PTPRO: variants seen among roughly 807,000 people sequenced by gnomAD.
PTPRO encodes receptor-type tyrosine-protein phosphatase O.
PTPRO carries 62 observed loss-of-function variants against 145.2 expected under a neutral mutation model. That is an observed-to-expected ratio of 0.43 (90% CI 0.35 to 0.53). The LOEUF (loss-of-function observed/expected upper bound fraction) is 0.53. PTPRO is among the 20% of genes least tolerant of loss of function. The pLI is 0.01. For synonymous variants in PTPRO, 565 were observed against 514.7 expected (o/e 1.10, Z -1.32); for missense variants, 1,345 against 1,482.7 (o/e 0.91, Z 1.53).
At chr12:15,494,791 G>A (rs1019489721) in intron 2 of PTPRO, among the ~76,000 whole-genome samples, 1 of 152,342 alleles carries the variant, frequency 6.6e-6, no homozygotes, top group Non-Finnish European at 1.5e-5. Flanking sequence ...CTCAGGGCAT[G>A]AAAGATTGAG....
chr12:15,490,857 C>G (rs1201188287), intron 2 of PTPRO, among the ~76,000 whole-genome samples: 1 of 152,064 alleles, frequency 6.6e-6, no homozygotes, highest in Non-Finnish European at 1.5e-5. Flanking sequence ...GACAAAGATT[C>G]TGACTAAAGT....
intron 1 of PTPRO, among the ~76,000 whole-genome samples, chr12:15,327,543 A>C (rs1261058193): frequency 6.6e-6 from 1 of 152,190 alleles, no homozygotes; most frequent in Non-Finnish European, 1.5e-5. Context: ...TATTTTCTAC[A>C]CCCTGGTCTT....
intron 26 of PTPRO, 129 bp downstream of exon 26, chr12:15,595,186 C>T: frequency 1.4e-6 from 1 of 703,794 alleles, no homozygotes; most frequent in Non-Finnish European, 2.5e-6. Context: ...TTCTTCCCAG[C>T]TCCTGGCCTC....
At chr12:15,477,685 C>A (rs1470658157) in intron 1 of PTPRO, among the ~76,000 whole-genome samples, 1 of 152,066 alleles carries the variant, frequency 6.6e-6, no homozygotes, top group African/African-American at 2.4e-5. Flanking sequence ...GTGGCAAGAA[C>A]AGGAGCACCC....
At chr12:15,421,161 A>T (rs1025914651) in intron 1 of PTPRO, among the ~76,000 whole-genome samples, 7 of 152,324 alleles carry the variant, frequency 4.6e-5, no homozygotes, top group Non-Finnish European at 8.8e-5. Context: ...TCTCTAAACA[A>T]TGATGACTTT....
intron 1 of PTPRO, among the ~76,000 whole-genome samples, chr12:15,412,567 G>A (rs916686200): frequency 6.6e-6 from 1 of 152,148 alleles, no homozygotes; most frequent in Non-Finnish European, 1.5e-5. Context: ...TTACATGAGG[G>A]TAACTCTAAT....
intron 18 of PTPRO, among the ~76,000 whole-genome samples, chr12:15,567,609 G>T (rs1232842587): frequency 6.6e-6 from 1 of 152,080 alleles, no homozygotes; most frequent in Non-Finnish European, 1.5e-5. Flanking sequence ...CTAGTAACAA[G>T]ATGAAAGCTA....
chr12:15,548,394 T>C (rs1322100589), intron 13 of PTPRO, among the ~76,000 whole-genome samples: 1 of 152,174 alleles, frequency 6.6e-6, no homozygotes, highest in African/African-American at 2.4e-5. Context: ...AAATTTTAAA[T>C]GTACACTTTT....
At chr12:15,575,696 C>T (rs1944169495) in intron 19 of PTPRO, among the ~76,000 whole-genome samples, 1 of 152,150 alleles carries the variant, frequency 6.6e-6, no homozygotes, top group African/African-American at 2.4e-5. Context: ...CCACAATTGT[C>T]GTGGTTTAAA....
chr12:15,377,284 A>T (rs1251233952), intron 1 of PTPRO, among the ~76,000 whole-genome samples: 1 of 152,118 alleles, frequency 6.6e-6, no homozygotes, highest in Non-Finnish European at 1.5e-5. Context: ...AAGCATATAG[A>T]AACAAAGACA....
intron 1 of PTPRO, among the ~76,000 whole-genome samples, chr12:15,464,715 T>G (rs1353903094): frequency 6.6e-6 from 1 of 152,078 alleles, no homozygotes; most frequent in Non-Finnish European, 1.5e-5. Context: ...AGAGATATTT[T>G]GTTTGTTGTA....
chr12:15,399,431 G>T (rs1406644170), intron 1 of PTPRO, among the ~76,000 whole-genome samples: 1 of 152,146 alleles, frequency 6.6e-6, no homozygotes. Flanking sequence ...GTTGAATCCA[G>T]GCAGTCCAGC....
intron 10 of PTPRO, 62 bp downstream of exon 10, chr12:15,520,374 G>C (rs947827166): frequency 5.4e-6 from 7 of 1,293,102 alleles, no homozygotes; most frequent in Admixed American, 1.7e-5. Context: ...AGTTACCAAG[G>C]TTCCAAATCT....
chr12:15,404,208 A>T (rs1939585290), intron 1 of PTPRO, among the ~76,000 whole-genome samples: 1 of 150,622 alleles, frequency 6.6e-6, no homozygotes, highest in Admixed American at 6.6e-5. Context: ...AAAAAAAAAA[A>T]AAAAGAGTGT....
At chr12:15,449,227 T>A (rs894200224) in intron 1 of PTPRO, among the ~76,000 whole-genome samples, 1 of 152,202 alleles carries the variant, frequency 6.6e-6, no homozygotes, top group African/African-American at 2.4e-5. Flanking sequence ...GTTTGAACAC[T>A]TAGCAGTCTA....
intron 10 of PTPRO, 86 bp from the exon 11 acceptor site, chr12:15,524,728 A>C: frequency 7.0e-7 from 1 of 1,420,654 alleles, no homozygotes; most frequent in Non-Finnish European, 9.9e-7. Context: ...CGCTAAGTTG[A>C]CTCTATATGG....
intron 14 of PTPRO, among the ~76,000 whole-genome samples, chr12:15,550,649 C>G (rs768751878): frequency 6.6e-6 from 1 of 152,190 alleles, no homozygotes; most frequent in Non-Finnish European, 1.5e-5. Flanking sequence ...GTCCATTGTT[C>G]TTTCTGTTTA....
intron 12 of PTPRO, chr12:15,546,364 G>A: frequency 2.1e-6 from 3 of 1,406,702 alleles, no homozygotes; most frequent in Non-Finnish European, 2.8e-6. Context: ...GTAAAAAAAT[G>A]GAAGGGGGAA....
At chr12:15,581,029 A>G (rs1014668904) in intron 22 of PTPRO, among the ~76,000 whole-genome samples, 198 bp downstream of exon 22, 2 of 152,206 alleles carry the variant, frequency 1.3e-5, no homozygotes, top group African/African-American at 4.8e-5. Context: ...TGTCTAAAGG[A>G]AAAAAGAGAA....
Sources: allele counts gnomAD v4.1 joint callset (sites outside exome capture counted in the v4.1 genomes callset), GRCh38; gene constraint gnomAD v4.1.1; transcripts MANE v1.5; gene names NCBI Gene and HGNC (gene_info 2026-07-23, HGNC 2026-07-21).